Variants in TTC4 observed in about 807,000 individuals in gnomAD.
TTC4 encodes hsp70/Hsp90 co-chaperone CNS1 homolog.
In TTC4, 36 loss-of-function variants were observed where a neutral mutation model predicts 51.9. The observed-to-expected ratio is 0.69, with a 90% confidence interval of 0.53 to 0.92. The LOEUF (loss-of-function observed/expected upper bound fraction) is 0.92, where lower values mean the gene tolerates loss of function less well. Among genes scored for constraint, TTC4 ranks in the 40% least tolerant of loss-of-function variants. The pLI, the probability that TTC4 is intolerant of heterozygous loss-of-function variation, is 0.00. For missense variants in TTC4, 399 were observed against 454.6 expected (o/e 0.88, Z 1.11); for synonymous variants, 144 against 164.2 (o/e 0.88, Z 0.94).
At chr1:54,724,423 G>A (rs1463371086) in intron 5 of TTC4, among the ~76,000 whole-genome samples, 1 of 151,798 alleles carries the variant, frequency 6.6e-6, no homozygotes. Flanking sequence ...GCACCACCAT[G>A]CCAGGCTAAT....
At chr1:54,721,292 C>A in intron 4 of TTC4, 52 bp downstream of exon 4, 1 of 1,565,144 alleles carries the variant, frequency 6.4e-7, no homozygotes, top group Middle Eastern at 1.7e-4. Flanking sequence ...TATGAAGGTG[C>A]TAGGATACTA....
intron 7 of TTC4, among the ~76,000 whole-genome samples, chr1:54,732,341 AAG>A (rs1645876975): frequency 2.0e-5 from 3 of 151,430 alleles, no homozygotes; most frequent in Admixed American, 6.6e-5. Context: ...AAAAATAAAA[AAG>A]AGATATATGT....
At chr1:54,723,717 T>G (rs1314878975) in intron 5 of TTC4, among the ~76,000 whole-genome samples, 1 of 152,248 alleles carries the variant, frequency 6.6e-6, no homozygotes, top group African/African-American at 2.4e-5. Flanking sequence ...TTATATAGTT[T>G]AGATGGTTTA....
At chr1:54,725,601 T>G (rs1233027558) in intron 5 of TTC4, among the ~76,000 whole-genome samples, 1 of 152,226 alleles carries the variant, frequency 6.6e-6, no homozygotes, top group Non-Finnish European at 1.5e-5. Flanking sequence ...TGACAAAGAT[T>G]GGAAGACTTA....
chr1:54,739,635 G>T (rs1384258235), intron 9 of TTC4, among the ~76,000 whole-genome samples: 1 of 152,232 alleles, frequency 6.6e-6, no homozygotes, highest in East Asian at 1.9e-4. Flanking sequence ...CAGCAGATTT[G>T]CAAATTGACT....
chr1:54,740,136 C>G (rs981082673), intron 9 of TTC4, among the ~76,000 whole-genome samples: 3 of 151,408 alleles, frequency 2.0e-5, no homozygotes, highest in Non-Finnish European at 2.9e-5. Flanking sequence ...GATCACACCA[C>G]TGCACTCCAG....
chr1:54,740,163 AC>A (rs201628149), intron 9 of TTC4, among the ~76,000 whole-genome samples: 82 of 137,144 alleles, frequency 6.0e-4, no homozygotes, highest in African/African-American at 2.2e-3. Flanking sequence ...TGAGAGTGAG[AC>A]CCCCTCCTCC....
chr1:54,722,687 A>T lies in TTC4; in HGVS notation c.482A>T (p.His161Leu), dbSNP rs1181974286. 2 of 1,613,874 alleles carry T rather than the reference A, an allele frequency of 1.2e-6. No homozygotes were observed. Among genetic ancestry groups the T allele is most frequent in the Non-Finnish European group, 1.7e-6 (2 of 1,179,852 alleles). ...LKAIIRGALCHLELKHFAEAV... is the reference protein window; with the variant it reads ...LKAIIRGALCLLELKHFAEAV... ...CTGGGTTCTGCAGGTGCCTTATGCC[A>T]TCTGGAACTGAAACACTTTGCCGAG... Residue 161 changes from histidine to leucine, a missense_variant, in exon 5 of 10, where the codon CAT becomes CTT. His to Leu is a moderately conservative substitution (Grantham distance 99). Around this residue, in one of 3 missense-constraint regions of TTC4, gnomAD observed 316 missense variants for 349.6 expected, o/e 0.90. Transcript: ENST00000371281.
At chr1:54,729,170 G>A (rs941285710) in intron 6 of TTC4, among the ~76,000 whole-genome samples, 6 of 152,242 alleles carry the variant, frequency 3.9e-5, no homozygotes, top group South Asian at 4.1e-4. Context: ...CATCTACAGC[G>A]TGGATGTGCT....
chr1:54,727,055 C>CAA (rs56739564), intron 5 of TTC4, among the ~76,000 whole-genome samples: 92 of 102,918 alleles, frequency 8.9e-4, no homozygotes, highest in Middle Eastern at 0.012. Flanking sequence ...TCATGAAAGA[C>CAA]AAAAAAAAAA....
rs78775654 is a variant in TTC4, at chr1:54,721,172, G to C, written c.401G>C (p.Arg134Pro). 8 of 1,613,144 alleles carry C rather than the reference G, an allele frequency of 5.0e-6. No homozygotes were observed. The highest frequency in any genetic ancestry group is 6.8e-6 in the Non-Finnish European group (8 of 1,179,432). Residue 134 changes from arginine (R) to proline (P), a missense_variant, in exon 4 of 10, where the codon CGT becomes CCT. Arg to Pro is a moderately radical substitution (Grantham distance 103). Coordinates refer to ENST00000371281, the MANE Select transcript of TTC4 (RefSeq NM_004623.5). ...AACGGTGTTTTGTTAGGCAATTTTC[G>C]TTCTGCTCTCAATGATGTGACAGCT... is the stretch of plus-strand genomic sequence containing the variant. ...AAAQYYLGNF[R>P]SALNDVTAAR...
rs756091552 is a variant in TTC4 at position 54,733,624 on chromosome 1, C to T, written c.897-5C>T. 8 of 1,592,814 alleles carry T rather than the reference C, an allele frequency of 5.0e-6. No individual in the cohort carries two copies. Among genetic ancestry groups the T allele is most frequent in the Non-Finnish European group, 6.8e-6 (8 of 1,169,844 alleles). On this transcript the variant is annotated splice_polypyrimidine_tract_variant and splice_region_variant and intron_variant, in intron 7 of 9. Transcript: ENST00000371281. ...ATACCCAGAAAGTACATGTTTTATCCTTAGGTTTATTGATCATCTAATGGT... is the reference window on the plus strand; with the variant it reads ...ATACCCAGAAAGTACATGTTTTATCTTTAGGTTTATTGATCATCTAATGGT...
At chr1:54,735,256 T>C (rs1468328266) in intron 8 of TTC4, among the ~76,000 whole-genome samples, 1 of 152,184 alleles carries the variant, frequency 6.6e-6, no homozygotes, top group Non-Finnish European at 1.5e-5. Flanking sequence ...TTTGCTCTTG[T>C]TGCCCAGGCT....
intron 7 of TTC4, among the ~76,000 whole-genome samples, chr1:54,732,034 G>A (rs949981504): frequency 4.6e-5 from 7 of 150,894 alleles, no homozygotes; most frequent in Admixed American, 4.0e-4. Flanking sequence ...ATATTAATTA[G>A]AAAAAAAAAT....
chr1:54,741,484 C>G lies in TTC4; in HGVS notation c.1135C>G (p.Arg379Gly). 1.2e-6 allele frequency: 2 copies of G among 1,614,048 alleles called. No homozygotes were observed. The highest frequency in any genetic ancestry group is 1.7e-5 in the Admixed American group (1 of 60,002). The stretch of plus-strand genomic sequence containing the variant: ...CTCTCCTTTTTGCAAGAATTTTCTC[C>G]GGGGGAGAAAGGTGTACCAGATACG... ...GSSPFCKNFLRGRKVYQIR is the reference protein window; with the variant it reads ...GSSPFCKNFLGGRKVYQIR Residue 379 changes from arginine to glycine, a missense_variant, in exon 10 of 10, where the codon CGG becomes GGG. Transcript: ENST00000371281.
intron 6 of TTC4, among the ~76,000 whole-genome samples, chr1:54,730,480 C>G (rs752392604): frequency 2.0e-5 from 3 of 152,182 alleles, no homozygotes; most frequent in Admixed American, 6.5e-5. Flanking sequence ...TGTTTTCACA[C>G]TACAGTGGCA....
In TTC4 at chr1:54,741,504, G is replaced by A; in HGVS notation, c.1155G>A (p.Gln385=). Reference sequence around the variant, plus strand: ...TTCTCCGGGGGAGAAAGGTGTACCAGATACGATGACTAAGCCAGGGCCCCT... The same window carrying A: ...TTCTCCGGGGGAGAAAGGTGTACCAAATACGATGACTAAGCCAGGGCCCCT... ...KNFLRGRKVY[Q]IR Residue 385 remains glutamine, a synonymous_variant, in exon 10 of 10, where the codon CAG becomes CAA. Coordinates refer to ENST00000371281, the MANE Select transcript of TTC4 (RefSeq NM_004623.5). 6.2e-7 allele frequency: 1 copy of A among 1,614,070 alleles called. No homozygotes were observed. Among genetic ancestry groups the A allele is most frequent in the Non-Finnish European group, 8.5e-7 (1 of 1,179,970 alleles).
chr1:54,720,276 A>G (rs187320100), intron 3 of TTC4, among the ~76,000 whole-genome samples: 12 of 152,242 alleles, frequency 7.9e-5, no homozygotes, highest in Admixed American at 3.9e-4. Context: ...TGCAACACCT[A>G]AAATATTTAT....
intron 3 of TTC4, among the ~76,000 whole-genome samples, chr1:54,718,695 G>A (rs1280291222): frequency 6.6e-6 from 1 of 152,202 alleles, no homozygotes; most frequent in East Asian, 1.9e-4. Flanking sequence ...CCAACATCAT[G>A]CAGGTTCTGT....
Sources: gnomAD v4.1 joint callset for allele counts (sites outside exome capture counted in the v4.1 genomes callset) on GRCh38, gnomAD v4.1.1 for gene constraint, gnomAD v4.1.1 regional missense constraint, MANE v1.5 for transcripts, NCBI Gene and HGNC (gene_info 2026-07-23, HGNC 2026-07-21) for gene names.